MALT1: variants seen among roughly 807,000 people sequenced by gnomAD.
The protein encoded by MALT1 is mucosa-associated lymphoid tissue lymphoma translocation protein 1.
In MALT1, 36 loss-of-function variants were observed where a neutral mutation model predicts 85.5. That is an observed-to-expected ratio of 0.42 (90% confidence interval 0.32 to 0.56). MALT1 has a LOEUF of 0.56. MALT1 is among the 20% of genes least tolerant of loss of function. The pLI is 0.10. For missense variants in MALT1, 716 were observed against 981.6 expected (o/e 0.73, Z 3.62); for synonymous variants, 359 against 361.3 (o/e 0.99, Z 0.07).
intron 2 of MALT1, chr18:58,690,916 C>T (rs2054488948): frequency 4.1e-6 from 1 of 242,328 alleles, no homozygotes; most frequent in Admixed American, 4.7e-5. Flanking sequence ...AGTACGGCCC[C>T]AGGAGAGAGG....
At chr18:58,733,356 A>G (rs1406598221) in intron 10 of MALT1, 41 bp from the exon 11 acceptor site, 2 of 1,338,798 alleles carry the variant, frequency 1.5e-6, no homozygotes, top group African/African-American at 2.9e-5. Context: ...GAGTGCATTT[A>G]GAATTGACAT....
intron 8 of MALT1, among the ~76,000 whole-genome samples, chr18:58,714,596 C>G (rs1266005734): frequency 6.6e-6 from 1 of 152,126 alleles, no homozygotes; most frequent in African/African-American, 2.4e-5. Context: ...TGGCATCGTA[C>G]AGGTCGGTTG....
chr18:58,710,876 G>A (rs768448948), intron 6 of MALT1, 45 bp from the exon 7 acceptor site: 2 of 1,393,578 alleles, frequency 1.4e-6, no homozygotes, highest in Non-Finnish European at 2.0e-6. Flanking sequence ...CCCTTCTTAA[G>A]ATCATGAATT....
intron 1 of MALT1, among the ~76,000 whole-genome samples, chr18:58,674,478 G>C (rs2054211719): frequency 6.6e-6 from 1 of 152,174 alleles, no homozygotes. Context: ...TTAGTTTTGA[G>C]GAGGTTGGCT....
chr18:58,727,342 C>T (rs548647500), intron 10 of MALT1, among the ~76,000 whole-genome samples: 2 of 152,042 alleles, frequency 1.3e-5, no homozygotes, highest in East Asian at 1.9e-4. Flanking sequence ...CTTGCTCTGT[C>T]GCCCAGGCTG....
intron 2 of MALT1, among the ~76,000 whole-genome samples, chr18:58,694,172 G>A (rs1271772191): frequency 6.6e-6 from 1 of 152,262 alleles, no homozygotes; most frequent in African/African-American, 2.4e-5. Context: ...TCCTCCCTTG[G>A]CAAGAGTTTA....
chr18:58,671,484 G>C lies in MALT1; in HGVS notation c.-160G>C, dbSNP rs2054156873. 2.3e-6 allele frequency: 1 copy of C among 429,094 alleles called. No individual in the cohort carries two copies. Among genetic ancestry groups the C allele is most frequent in the South Asian group, 1.3e-4 (1 of 7,964 alleles). The allele number at this position is 429,094 out of a possible 1,614,324, so 26.6% of individuals were successfully genotyped here. Reference sequence around the variant, plus strand: ...CTCGGCAAACCTGTCTAATTGGGGCGGGGAGCGGAGCTTCCTCCTCTGAGG... The same window carrying C: ...CTCGGCAAACCTGTCTAATTGGGGCCGGGAGCGGAGCTTCCTCCTCTGAGG... On this transcript the variant is annotated 5_prime_UTR_variant, in exon 1 of 17. Transcript: ENST00000649217.
In MALT1 at chr18:58,723,141, A is replaced by C; in HGVS notation, c.1112A>C (p.Asn371Thr). 1 of 1,614,036 alleles carries C rather than the reference A, an allele frequency of 6.2e-7. No homozygotes were observed. Among genetic ancestry groups the C allele is most frequent in the Non-Finnish European group, 8.5e-7 (1 of 1,179,944 alleles). Residue 371 changes from asparagine to threonine, a missense_variant, in exon 10 of 17, where the codon AAC becomes ACC. This residue lies in a region of MALT1 where 290 missense variants were observed against 380.5 expected (regional missense o/e 0.76). Coordinates refer to ENST00000649217, the MANE Select transcript of MALT1 (RefSeq NM_006785.4). ...TTGGTGGATGTGTACGAATTGACTA[A>C]CTTACTGAGACAGCTGGACTTCAAA... is the stretch of plus-strand genomic sequence containing the variant. ...APLVDVYELT[N>T]LLRQLDFKVV...
At chr18:58,680,951 A>T (rs1393327098) in intron 1 of MALT1, among the ~76,000 whole-genome samples, 1 of 151,686 alleles carries the variant, frequency 6.6e-6, no homozygotes, top group African/African-American at 2.4e-5. Flanking sequence ...AAAAAAAAAA[A>T]AAAATAATCA....
chr18:58,725,691 C>A (rs1458844810), intron 10 of MALT1, among the ~76,000 whole-genome samples: 1 of 152,208 alleles, frequency 6.6e-6, no homozygotes, highest in Non-Finnish European at 1.5e-5. Context: ...TGAAGAATTA[C>A]TACCTTGGTT....
rs544497864 is a variant in MALT1, at chr18:58,748,384, A to T, written c.*542A>T. 3.3e-5 allele frequency: 6 copies of T among 179,778 alleles called. 1 individual carries two copies. In the South Asian group the frequency reaches 1.2e-3, roughly 35 times the overall value. The allele number at this position is 179,778 out of a possible 1,614,324, so 11.1% of individuals were successfully genotyped here. On this transcript the variant is annotated 3_prime_UTR_variant, in exon 17 of 17. Coordinates refer to ENST00000649217, the MANE Select transcript of MALT1 (RefSeq NM_006785.4). ...TGTAGATAGAGTGAAATATATTTAT[A>T]TATATATAAATATATACAGATACAT...
intron 9 of MALT1, among the ~76,000 whole-genome samples, chr18:58,717,049 C>T (rs1461003825): frequency 6.6e-6 from 1 of 151,970 alleles, no homozygotes; most frequent in African/African-American, 2.4e-5. Context: ...AGTAATTAGG[C>T]GTAGTAATAT....
intron 16 of MALT1, among the ~76,000 whole-genome samples, chr18:58,746,720 T>TAAAAA (rs1201383504): frequency 6.7e-6 from 1 of 148,380 alleles, no homozygotes; most frequent in African/African-American, 2.4e-5. Flanking sequence ...AAAACTGGTA[T>TAAAAA]AAAACCAGGT....
intron 4 of MALT1, among the ~76,000 whole-genome samples, chr18:58,707,022 CTTTT>C (rs905950628): frequency 1.3e-5 from 2 of 151,276 alleles, no homozygotes; most frequent in Non-Finnish European, 2.9e-5. Flanking sequence ...CTTGTAAGCT[CTTTT>C]TTTTTCTTTC....
intron 9 of MALT1, among the ~76,000 whole-genome samples, chr18:58,720,593 G>A (rs1326841874): frequency 6.6e-6 from 1 of 152,170 alleles, no homozygotes; most frequent in African/African-American, 2.4e-5. Context: ...TGTTGAACCC[G>A]TGCATTCTGT....
At position 58,747,636 on chromosome 18, in the gene MALT1, T is replaced by C. The variant is rs2055388031; in HGVS notation, c.2269T>C (p.Phe757Leu). The C allele has an allele frequency of 1.9e-6, 3 of 1,614,194 alleles. No homozygotes were observed. The highest frequency in any genetic ancestry group is 1.6e-4 in the Middle Eastern group (1 of 6,062). Reference sequence around the variant, plus strand: ...GCATTATCACTCATTGCAAGACCCATTCCATGGTGTTTACCATTCACATCC... The same window carrying C: ...GCATTATCACTCATTGCAAGACCCACTCCATGGTGTTTACCATTCACATCC... Reference protein sequence around the residue: ...AGHYHSLQDPFHGVYHSHPGN... With the variant: ...AGHYHSLQDPLHGVYHSHPGN... Residue 757 changes from phenylalanine to leucine, a missense_variant, in exon 17 of 17, where the codon TTC (phenylalanine) becomes CTC (leucine). Phe to Leu is a conservative substitution (Grantham distance 22). Transcript: ENST00000649217.
chr18:58,727,507 G>A (rs936853322), intron 10 of MALT1, among the ~76,000 whole-genome samples: 28 of 151,646 alleles, frequency 1.8e-4, no homozygotes, highest in Middle Eastern at 3.4e-3. Context: ...GCTTCACTGT[G>A]TTAGCCAGGA....
chr18:58,725,143 A>G (rs2055035666), intron 10 of MALT1, among the ~76,000 whole-genome samples: 1 of 150,760 alleles, frequency 6.6e-6, no homozygotes, highest in African/African-American at 2.5e-5. Flanking sequence ...AAAAAAAAAA[A>G]TAGAATAAAA....
intron 9 of MALT1, among the ~76,000 whole-genome samples, chr18:58,717,255 T>C (rs1236241344): frequency 1.3e-5 from 2 of 150,824 alleles, no homozygotes. Flanking sequence ...CCCAGCTACG[T>C]AGGAGGCTGA....
Sources: allele counts gnomAD v4.1 joint callset (sites outside exome capture counted in the v4.1 genomes callset), GRCh38; gene constraint gnomAD v4.1.1; regional missense constraint gnomAD v4.1.1; transcripts MANE v1.5; gene names NCBI Gene and HGNC (gene_info 2026-07-23, HGNC 2026-07-21).